MTSS1: variants seen among roughly 807,000 people sequenced by gnomAD.
MTSS1 encodes the protein MTSS I-BAR domain containing 1.
A neutral mutation model predicts 79.0 loss-of-function variants in MTSS1; 18 were observed. The observed-to-expected ratio is 0.23, with a 90% CI of 0.16 to 0.34. The LOEUF (loss-of-function observed/expected upper bound fraction) is 0.34. MTSS1 is among the 10% of genes least tolerant of loss of function. MTSS1 has a pLI of 1.00. For synonymous variants in MTSS1, 341 were observed against 368.6 expected, an observed-to-expected ratio of 0.93 and a Z score of 0.86; for missense variants, 815 against 986.2, an observed-to-expected ratio of 0.83 and a Z score of 2.33.
intron 3 of MTSS1, among the ~76,000 whole-genome samples, chr8:124,662,870 T>C (rs999299306): frequency 6.6e-6 from 1 of 152,132 alleles, no homozygotes; most frequent in African/African-American, 2.4e-5. Context: ...GACCGTGTAA[T>C]GTACCCTTGC....
At chr8:124,654,353 G>C (rs1820559426) in intron 3 of MTSS1, among the ~76,000 whole-genome samples, 1 of 152,140 alleles carries the variant, frequency 6.6e-6, no homozygotes, top group Non-Finnish European at 1.5e-5. Flanking sequence ...GGCACGCAAA[G>C]CATCACAGAA....
chr8:124,625,300 GA>G (rs1320386555), intron 3 of MTSS1, among the ~76,000 whole-genome samples: 1 of 152,138 alleles, frequency 6.6e-6, no homozygotes, highest in Non-Finnish European at 1.5e-5. Flanking sequence ...AAGGATCATC[GA>G]AAATACATGG....
Position 124,556,314 on chromosome 8 carries a change from C to T in MTSS1, c.1322G>A (p.Gly441Glu), listed in dbSNP as rs1823765195. Residue 441 changes from glycine to glutamate, a missense_variant, in exon 12 of 14, where the codon GGA becomes GAA. By Grantham distance (98) the Gly-to-Glu change is moderately conservative. This residue lies in a region of MTSS1 where 590 missense variants were observed against 620.8 expected (regional missense o/e 0.95). Transcript: ENST00000518547. ...EKREPDPNGGGPTTASGPPAA... is the reference protein window; with the variant it reads ...EKREPDPNGGEPTTASGPPAA... The stretch of plus-strand genomic sequence containing the variant: ...AGGTGGGCCGCTGGCGGTAGTGGGT[C>T]CTCCCCCGTTGGGGTCCGGTTCTCG... 1 of 1,614,078 alleles carries T rather than the reference C, an allele frequency of 6.2e-7. No individual in the cohort carries two copies. Among genetic ancestry groups the T allele is most frequent in the Non-Finnish European group, 8.5e-7 (1 of 1,180,028 alleles).
chr8:124,704,915 C>T (rs1830182189), intron 1 of MTSS1, among the ~76,000 whole-genome samples: 1 of 152,254 alleles, frequency 6.6e-6, no homozygotes, highest in South Asian at 2.1e-4. Flanking sequence ...TCCCCGGGAC[C>T]CTGCTTCACA....
At chr8:124,721,702 G>A (rs1196973209) in intron 1 of MTSS1, among the ~76,000 whole-genome samples, 2 of 112,988 alleles carry the variant, frequency 1.8e-5, no homozygotes, top group Non-Finnish European at 2.0e-5. Flanking sequence ...TACCAGAAAA[G>A]GCTTTGAGGG....
At chr8:124,614,231 C>T (rs1836422879) in intron 3 of MTSS1, among the ~76,000 whole-genome samples, 1 of 151,910 alleles carries the variant, frequency 6.6e-6, no homozygotes, top group Admixed American at 6.6e-5. Flanking sequence ...GGGTCCCGCC[C>T]CACACAGCTA....
At chr8:124,563,312 ACT>A (rs1825737922) in intron 9 of MTSS1, 2 of 344,704 alleles carry the variant, frequency 5.8e-6, no homozygotes, top group Non-Finnish European at 5.4e-6. Context: ...AGTGCGCCCA[ACT>A]CTGCTGCTTC....
In MTSS1 at chr8:124,658,950, G is replaced by A. The variant is rs143734906; in HGVS notation, c.208+40576C>T. On this transcript the variant is annotated intron_variant, in intron 3 of 13. Coordinates refer to ENST00000518547, the MANE Select transcript of MTSS1 (RefSeq NM_014751.6). ...CTGTTGTTTGCACCATCCAGGCTAC[G>A]GGCTTTTCTTTTAGGAGCCTCAACT... 3.3e-3 allele frequency among the ~76,000 whole-genome samples: 507 copies of A among 152,258 alleles called. 3 individuals are homozygous for A. The highest frequency in any genetic ancestry group is 6.1e-3 in the Admixed American group (93 of 15,282).
chr8:124,556,242 G>A lies in MTSS1; in HGVS notation c.1394C>T (p.Ala465Val). ...GAACAAGAGCATCACCCTGGTGGCA[G>A]CCGATACAGTCATGCTCCGTGGTCT... is the stretch of plus-strand genomic sequence containing the variant. ...AQRPRSMTVS[A>V]ATRPGEEMEA... The change falls in exon 12 of 14, where the codon GCT becomes GTT. Residue 465 changes from alanine to valine, a missense_variant. Coordinates refer to ENST00000518547, the MANE Select transcript of MTSS1 (RefSeq NM_014751.6). The A allele has an allele frequency of 6.2e-7, 1 of 1,614,236 alleles. No homozygotes were observed. Among genetic ancestry groups the A allele is most frequent in the Non-Finnish European group, 8.5e-7 (1 of 1,180,038 alleles).
At chr8:124,665,664 T>C (rs1467043415) in intron 3 of MTSS1, among the ~76,000 whole-genome samples, 1 of 152,102 alleles carries the variant, frequency 6.6e-6, no homozygotes, top group Non-Finnish European at 1.5e-5. Flanking sequence ...GGTTGGGAGT[T>C]CGAGACCATC....
At chr8:124,587,308 T>A (rs965925247) in intron 5 of MTSS1, among the ~76,000 whole-genome samples, 2 of 152,070 alleles carry the variant, frequency 1.3e-5, no homozygotes, top group African/African-American at 4.8e-5. Context: ...AACTATCAAC[T>A]CTTTCCCCAT....
At chr8:124,708,939 A>C (rs1201410231) in intron 1 of MTSS1, among the ~76,000 whole-genome samples, 1 of 152,160 alleles carries the variant, frequency 6.6e-6, no homozygotes, top group Admixed American at 6.5e-5. Context: ...GAAATGAAAA[A>C]AAAAAAAAGT....
At chr8:124,721,449 C>T (rs1305118381) in intron 1 of MTSS1, among the ~76,000 whole-genome samples, 6 of 125,006 alleles carry the variant, frequency 4.8e-5, no homozygotes, top group African/African-American at 1.9e-4. Flanking sequence ...CTCATTCTGT[C>T]GCCAGGCTGG....
intron 1 of MTSS1, among the ~76,000 whole-genome samples, chr8:124,710,933 G>A (rs1046125843): frequency 6.6e-6 from 1 of 152,198 alleles, no homozygotes; most frequent in Admixed American, 6.5e-5. Context: ...GAGGGCAGAG[G>A]CTCTAGAGAG....
Position 124,555,829 on chromosome 8 carries a change from T to C in MTSS1, c.1480A>G (p.Ser494Gly). The change falls in exon 13 of 14, where the codon AGC becomes GGC. Residue 494 changes from serine (S) to glycine (G), a missense_variant. Transcript: ENST00000518547. Reference sequence around the variant, plus strand: ...GAGCACTGAAGCGAGTCCCGGCTGCTCCTCTGGGTGTCCAGCTGCAGGCCC... The same window carrying C: ...GAGCACTGAAGCGAGTCCCGGCTGCCCCTCTGGGTGTCCAGCTGCAGGCCC... ...SRGLQLDTQR[S>G]SRDSLQCSSG... 6.2e-7 allele frequency: 1 copy of C among 1,613,530 alleles called. No individual in the cohort carries two copies. The highest frequency in any genetic ancestry group is 2.2e-5 in the East Asian group (1 of 44,862).
chr8:124,629,646 C>G (rs1472526255), intron 3 of MTSS1, among the ~76,000 whole-genome samples: 2 of 152,122 alleles, frequency 1.3e-5, no homozygotes, highest in African/African-American at 2.4e-5. Flanking sequence ...TCCCACATCC[C>G]TGGTTGGTGA....
At position 124,684,841 on chromosome 8, in the gene MTSS1, C is replaced by T. The variant is rs112008445; in HGVS notation, c.208+14685G>A. On this transcript the variant is annotated intron_variant, in intron 3 of 13. Transcript: ENST00000518547. ...TGTTCTTAAAGATAACTTTGCTTGT[C>T]ACATAGCCATTAGATAGATAAACAA... Among the ~76,000 whole-genome samples the T allele has an allele frequency of 5.4e-3, 825 of 152,262 alleles. 8 individuals carry two copies. Among genetic ancestry groups the T allele is most frequent in the African/African-American group, 0.019 (777 of 41,534 alleles).
chr8:124,623,183 T>G (rs1406685128), intron 3 of MTSS1, among the ~76,000 whole-genome samples: 1 of 152,358 alleles, frequency 6.6e-6, no homozygotes, highest in East Asian at 1.9e-4. Context: ...CTACTGAAAA[T>G]TGTTTAACTT....
intron 3 of MTSS1, among the ~76,000 whole-genome samples, chr8:124,665,155 T>TA (rs547335992): frequency 4.0e-4 from 61 of 152,338 alleles, no homozygotes; most frequent in African/African-American, 1.4e-3. Context: ...AACCAGCACT[T>TA]AAACTATTTG....
Sources: allele counts gnomAD v4.1 joint callset (sites outside exome capture counted in the v4.1 genomes callset), GRCh38; gene constraint gnomAD v4.1.1; regional missense constraint gnomAD v4.1.1; transcripts MANE v1.5; gene names NCBI Gene and HGNC (gene_info 2026-07-23, HGNC 2026-07-21).